GLIPR1L2: variants seen among roughly 807,000 people sequenced by gnomAD.
GLIPR1L2 encodes GLIPR1 like 2, also known as GLIPR1-like protein 2.
GLIPR1L2 carries 21 observed loss-of-function variants against 28.4 expected under a neutral mutation model. That is an observed-to-expected ratio of 0.74 (90% confidence interval 0.52 to 1.06). The LOEUF is 1.06. Among genes scored for constraint, GLIPR1L2 ranks in the 50% least tolerant of loss-of-function variants. The pLI, the probability that GLIPR1L2 is intolerant of heterozygous loss-of-function variation, is 0.00. For synonymous variants in GLIPR1L2, 145 were observed against 139.3 expected, an observed-to-expected ratio of 1.04 and a Z score of -0.29; for missense variants, 476 against 416.9, an observed-to-expected ratio of 1.14 and a Z score of -1.23.
intron 1 of GLIPR1L2, among the ~76,000 whole-genome samples, chr12:75,393,925 T>G (rs187822372): frequency 9.2e-5 from 14 of 152,168 alleles, no homozygotes; most frequent in Admixed American, 9.2e-4. Context: ...TTTATTTTCC[T>G]TATTCCTCTT....
chr12:75,404,481 T>C (rs1393320533), intron 1 of GLIPR1L2, among the ~76,000 whole-genome samples: 1 of 152,100 alleles, frequency 6.6e-6, no homozygotes, highest in Non-Finnish European at 1.5e-5. Flanking sequence ...GTCTTCTGAA[T>C]TATCAGAATT....
intron 3 of GLIPR1L2, among the ~76,000 whole-genome samples, chr12:75,421,529 A>G (rs2045975876): frequency 6.6e-6 from 1 of 152,230 alleles, no homozygotes; most frequent in African/African-American, 2.4e-5. Context: ...ATAGCTCCCA[A>G]TTATATACCA....
intron 4 of GLIPR1L2, among the ~76,000 whole-genome samples, chr12:75,427,388 A>T (rs2046044759): frequency 6.6e-6 from 1 of 152,238 alleles, no homozygotes; most frequent in South Asian, 2.1e-4. Flanking sequence ...AAGAAAATCT[A>T]ATATAGAAAT....
At chr12:75,401,472 C>T (rs1168934088) in intron 1 of GLIPR1L2, among the ~76,000 whole-genome samples, 8 of 151,592 alleles carry the variant, frequency 5.3e-5, no homozygotes, top group East Asian at 1.9e-4. Context: ...CCTAAAAATA[C>T]GAAGAAATAT....
intron 3 of GLIPR1L2, among the ~76,000 whole-genome samples, chr12:75,422,407 A>G (rs578118835): frequency 5.7e-4 from 85 of 149,528 alleles, no homozygotes; most frequent in Non-Finnish European, 7.0e-4. Flanking sequence ...GGTTCACGCC[A>G]TTCTCCTGCC....
At chr12:75,413,812 A>G (rs1333898851) in intron 3 of GLIPR1L2, 111 bp downstream of exon 3, 8 of 491,166 alleles carry the variant, frequency 1.6e-5, no homozygotes, top group East Asian at 3.5e-5. Flanking sequence ...AAATAAATAT[A>G]CTTTACATTG....
chr12:75,413,509 T>C, intron 2 of GLIPR1L2, 89 bp from the exon 3 acceptor site: 1 of 729,700 alleles, frequency 1.4e-6, no homozygotes, highest in Admixed American at 2.8e-5. Flanking sequence ...GGTGAAAAGT[T>C]CTATGTGAAT....
chr12:75,431,273 T>C lies in GLIPR1L2; in HGVS notation c.*112T>C, dbSNP rs532655122. Reference sequence around the variant, plus strand: ...CACTGAGTTTTAACAAGAAAGAAAATATGCAAACCACCATTGGAATGTTTT... The same window carrying C: ...CACTGAGTTTTAACAAGAAAGAAAACATGCAAACCACCATTGGAATGTTTT... On this transcript the variant is annotated 3_prime_UTR_variant, in exon 6 of 6. Coordinates refer to ENST00000550916, the MANE Select transcript of GLIPR1L2 (RefSeq NM_001270396.2). 2.1e-5 allele frequency: 12 copies of C among 576,154 alleles called. No homozygotes were observed. The highest frequency in any genetic ancestry group is 3.6e-5 in the Non-Finnish European group (12 of 329,152). 35.7% of individuals were successfully genotyped at this position (576,154 alleles called of 1,614,324 possible). A position where few individuals can be genotyped will look rare whatever the true frequency, so the allele number is the denominator to read the frequency against.
At chr12:75,393,201 CA>C (rs1419353516) in intron 1 of GLIPR1L2, among the ~76,000 whole-genome samples, 14 of 151,756 alleles carry the variant, frequency 9.2e-5, no homozygotes, top group Admixed American at 1.3e-4. Context: ...TTTTAAATAC[CA>C]AAAAAATTGT....
intron 1 of GLIPR1L2, among the ~76,000 whole-genome samples, chr12:75,402,181 T>G (rs1283899390): frequency 6.6e-6 from 1 of 152,164 alleles, no homozygotes; most frequent in South Asian, 2.1e-4. Flanking sequence ...TCAAGTGTTT[T>G]TCTAGCAAAA....
chr12:75,394,415 T>C (rs2045661305), intron 1 of GLIPR1L2, among the ~76,000 whole-genome samples: 1 of 152,014 alleles, frequency 6.6e-6, no homozygotes, highest in Admixed American at 6.6e-5. Flanking sequence ...TTTTGTATAT[T>C]GTGTAAGGTA....
chr12:75,425,764 G>A (rs1342196267), intron 4 of GLIPR1L2, among the ~76,000 whole-genome samples: 1 of 152,092 alleles, frequency 6.6e-6, no homozygotes, highest in East Asian at 1.9e-4. Context: ...GACAATGATG[G>A]GAGATCGGAA....
intron 3 of GLIPR1L2, among the ~76,000 whole-genome samples, chr12:75,422,403 C>T (rs185486922): frequency 2.8e-3 from 424 of 150,518 alleles, no homozygotes; most frequent in Non-Finnish European, 4.9e-3. Context: ...CCTGGGTTCA[C>T]GCCATTCTCC....
intron 4 of GLIPR1L2, chr12:75,423,398 C>A (rs902291489): frequency 1.0e-5 from 10 of 977,530 alleles, no homozygotes; most frequent in African/African-American, 1.7e-5. Context: ...AAGCTGAAAT[C>A]TCCAAATATT....
intron 4 of GLIPR1L2, among the ~76,000 whole-genome samples, chr12:75,429,078 AG>A (rs1822869337): frequency 6.6e-6 from 1 of 152,176 alleles, no homozygotes; most frequent in Non-Finnish European, 1.5e-5. Flanking sequence ...ACTGCATAAT[AG>A]AGCTGTGAGA....
intron 2 of GLIPR1L2, among the ~76,000 whole-genome samples, chr12:75,410,951 A>T (rs2045860752): frequency 6.6e-6 from 1 of 151,878 alleles, no homozygotes; most frequent in Admixed American, 6.6e-5. Context: ...TACACTGGAA[A>T]AGGAGGAAAG....
chr12:75,392,149 A>C (rs1219761237), intron 1 of GLIPR1L2, among the ~76,000 whole-genome samples: 1 of 152,208 alleles, frequency 6.6e-6, no homozygotes, highest in African/African-American at 2.4e-5. Context: ...TGCAAGGACT[A>C]CTTTCCTAGA....
At position 75,395,855 on chromosome 12, in the gene GLIPR1L2, G is replaced by T. The variant is rs556920884; in HGVS notation, c.234+4505G>T. Among the ~76,000 whole-genome samples, 19 of 151,724 alleles carry T rather than the reference G, an allele frequency of 1.3e-4. No individual in the cohort carries two copies. In the South Asian group the frequency reaches 2.5e-3, roughly 20 times the overall value. ...TGTTGATTTTCTCTGTTGTTTTTCTGTTCTCTATTTTATTTATCTCTGCTT... is the reference window on the plus strand; with the variant it reads ...TGTTGATTTTCTCTGTTGTTTTTCTTTTCTCTATTTTATTTATCTCTGCTT... On this transcript the variant is annotated intron_variant, in intron 1 of 5. Transcript: ENST00000550916.
chr12:75,430,401 A>C (rs921744011), intron 4 of GLIPR1L2, among the ~76,000 whole-genome samples: 5 of 152,184 alleles, frequency 3.3e-5, no homozygotes, highest in African/African-American at 1.2e-4. Flanking sequence ...AGAATCCTAG[A>C]ATGTTGGAGC....
Sources: allele counts gnomAD v4.1 joint callset (sites outside exome capture counted in the v4.1 genomes callset), GRCh38; gene constraint gnomAD v4.1.1; transcripts MANE v1.5; gene names NCBI Gene and HGNC (gene_info 2026-07-23, HGNC 2026-07-21).